The following ZNF236 variants were observed in gnomAD, a reference collection of about 807,000 sequenced individuals.
ZNF236 encodes the protein zinc finger protein 236, also known as regulated by glucose.
ZNF236 carries 50 observed loss-of-function variants against 191.2 expected under a neutral mutation model. The observed-to-expected ratio is 0.26, with a 90% confidence interval of 0.21 to 0.33. The LOEUF is 0.33. ZNF236 is among the 10% of genes least tolerant of loss of function. The pLI is 1.00. For missense variants in ZNF236, 1,754 were observed against 2,374.5 expected, an observed-to-expected ratio of 0.74 and a Z score of 5.43; for synonymous variants, 907 against 928.8, an observed-to-expected ratio of 0.98 and a Z score of 0.43.
intron 19 of ZNF236, among the ~76,000 whole-genome samples, chr18:76,918,616 CG>C (rs1384099919): frequency 6.6e-6 from 1 of 152,124 alleles, no homozygotes; most frequent in Non-Finnish European, 1.5e-5. Flanking sequence ...TTTGTAGAGA[CG>C]GGGTCTTGCT....
intron 3 of ZNF236, among the ~76,000 whole-genome samples, chr18:76,857,164 C>G (rs1976064395): frequency 6.6e-6 from 1 of 152,052 alleles, no homozygotes; most frequent in Admixed American, 6.6e-5. Flanking sequence ...ATGTGGGGTC[C>G]TTCTCTCGCA....
intron 28 of ZNF236, among the ~76,000 whole-genome samples, chr18:76,957,206 G>A (rs1968545401): frequency 6.6e-6 from 1 of 152,134 alleles, no homozygotes; most frequent in Non-Finnish European, 1.5e-5. Flanking sequence ...ATGAGTGTAG[G>A]ACTAGAAGAA....
At chr18:76,890,996 C>T (rs1196932169) in intron 9 of ZNF236, among the ~76,000 whole-genome samples, 1 of 152,124 alleles carries the variant, frequency 6.6e-6, no homozygotes, top group Non-Finnish European at 1.5e-5. Context: ...TTCTTAATAA[C>T]ATTTTTTCTC....
In ZNF236 at chr18:76,890,915, A is replaced by G. The variant is rs1003127391; in HGVS notation, c.1418-4098A>G. 2.6e-5 allele frequency among the ~76,000 whole-genome samples: 4 copies of G among 152,168 alleles called. No homozygotes were observed. The East Asian group carries it at 7.7e-4, about 29-fold the overall frequency. ...ACCCCCGACTTCCTCAGCCTACTCA[A>G]CATGTAGACAAAGAGAGGAAAACCA... On this transcript the variant is annotated intron_variant, in intron 9 of 30. Coordinates refer to ENST00000320610, the MANE Select transcript of ZNF236 (RefSeq NM_001306089.2).
Position 76,925,359 on chromosome 18 carries a change from C to G in ZNF236, c.3832C>G (p.Pro1278Ala). The change falls in exon 22 of 31, where the codon CCA (proline) becomes GCA (alanine). Residue 1278 changes from proline (P) to alanine (A), a missense_variant. Around this residue, in one of 5 missense-constraint regions of ZNF236, gnomAD observed 606 missense variants for 761.5 expected, o/e 0.80. Coordinates refer to ENST00000320610, the MANE Select transcript of ZNF236 (RefSeq NM_001306089.2). The surrounding 1 kb of genome is among the most constrained non-coding windows in gnomAD (Gnocchi z 5.7). ...RKTHMQFHYK[P>A]DPKKARKPMT... Reference sequence around the variant, plus strand: ...GACACACATGCAGTTTCATTATAAACCAGACCCAAAGAAGGCCAGAAAGCC... The same window carrying G: ...GACACACATGCAGTTTCATTATAAAGCAGACCCAAAGAAGGCCAGAAAGCC... 6.2e-7 allele frequency: 1 copy of G among 1,614,170 alleles called. No individual in the cohort carries two copies.
At chr18:76,928,898 A>G (rs552780771) in intron 25 of ZNF236, among the ~76,000 whole-genome samples, 2 of 151,882 alleles carry the variant, frequency 1.3e-5, no homozygotes, top group East Asian at 1.9e-4. Flanking sequence ...TAACTTCCAC[A>G]GATATTAACT....
Position 76,878,170 on chromosome 18 carries a change from G to C in ZNF236, c.984+18G>C. The stretch of plus-strand genomic sequence containing the variant: ...TTTTAACGGTAAGTTTAGTAATTTG[G>C]AAGAACTTCTTTTTAAACTAAAATC... On this transcript the variant is annotated intron_variant, in intron 7 of 30. Coordinates refer to ENST00000320610, the MANE Select transcript of ZNF236 (RefSeq NM_001306089.2). 4 of 1,578,980 alleles carry C rather than the reference G, an allele frequency of 2.5e-6. No individual in the cohort carries two copies. Among genetic ancestry groups the C allele is most frequent in the South Asian group, 2.4e-5 (2 of 84,766 alleles).
chr18:76,910,615 A>G (rs1044878421), intron 15 of ZNF236, 45 bp from the exon 16 acceptor site: 11 of 1,566,500 alleles, frequency 7.0e-6, no homozygotes, highest in Non-Finnish European at 8.7e-6. Context: ...ATTTTAATGT[A>G]ACTTTAATAT....
At chr18:76,834,878 T>C (rs1001451241) in intron 1 of ZNF236, 39 of 357,168 alleles carry the variant, frequency 1.1e-4, no homozygotes, top group Admixed American at 1.0e-3. Context: ...CACAAAGGGA[T>C]TGAACTTCAT....
Position 76,940,709 on chromosome 18 carries a change from TCTC to T in ZNF236, c.4782+3367_4782+3369del, listed in dbSNP as rs1968116110. ...TTAAAGTGAAAGTTCAGTAAGTAGT[TCTC>T]AGTATTGTCTAGGTTGTATTTTTAA... On this transcript the variant is annotated intron_variant, in intron 26 of 30. Coordinates refer to ENST00000320610, the MANE Select transcript of ZNF236 (RefSeq NM_001306089.2). Among the ~76,000 whole-genome samples the T allele has an allele frequency of 2.6e-5, 4 of 152,320 alleles. No individual in the cohort carries two copies. The South Asian group carries it at 8.3e-4, about 32-fold the overall frequency.
intron 3 of ZNF236, among the ~76,000 whole-genome samples, chr18:76,862,642 T>G (rs904351986): frequency 6.6e-6 from 1 of 151,946 alleles, no homozygotes; most frequent in Non-Finnish European, 1.5e-5. Context: ...CACTAGGGAG[T>G]TGGGCCTCCC....
intron 3 of ZNF236, among the ~76,000 whole-genome samples, chr18:76,858,588 A>G (rs1413342099): frequency 6.6e-6 from 1 of 152,194 alleles, no homozygotes; most frequent in Non-Finnish European, 1.5e-5. Context: ...AACAGATGAG[A>G]TACTTCTCTT....
chr18:76,873,624 G>C lies in ZNF236; in HGVS notation c.667+1799G>C, dbSNP rs542457328. Among the ~76,000 whole-genome samples, 6 of 152,260 alleles carry C rather than the reference G, an allele frequency of 3.9e-5. No individual in the cohort carries two copies. In the East Asian group the frequency reaches 9.7e-4, roughly 24 times the overall value. On this transcript the variant is annotated intron_variant, in intron 5 of 30. Transcript: ENST00000320610. Reference sequence around the variant, plus strand: ...CCTCACAGTGTGTGTGATGATGTGAGGGGGGTGACCAGAATCCTGCTGGAC... The same window carrying C: ...CCTCACAGTGTGTGTGATGATGTGACGGGGGTGACCAGAATCCTGCTGGAC...
At chr18:76,918,579 C>T (rs551161626) in intron 19 of ZNF236, among the ~76,000 whole-genome samples, 9 of 152,302 alleles carry the variant, frequency 5.9e-5, no homozygotes, top group Admixed American at 1.3e-4. Flanking sequence ...CTCACCACCA[C>T]GCCTGGCTGA....
In ZNF236 at chr18:76,908,413, A is replaced by C. The variant is rs377422426; in HGVS notation, c.2391A>C (p.Gln797His). 1.9e-6 allele frequency: 3 copies of C among 1,614,194 alleles called. No homozygotes were observed. Among genetic ancestry groups the C allele is most frequent in the Non-Finnish European group, 2.5e-6 (3 of 1,180,034 alleles). ...VDQQSMQAST[Q>H]MQVEIESDEL... Reference sequence around the variant, plus strand: ...AGCAGAGCATGCAGGCCTCCACTCAAATGCAGGTGGAGATCGAGAGCGACG... The same window carrying C: ...AGCAGAGCATGCAGGCCTCCACTCACATGCAGGTGGAGATCGAGAGCGACG... Residue 797 changes from glutamine to histidine, a missense_variant, in exon 14 of 31, where the codon CAA becomes CAC. Physicochemically the swap from Gln to His is conservative, Grantham distance 24. This residue lies in a region of ZNF236 where 641 missense variants were observed against 869.6 expected (regional missense o/e 0.74). Coordinates refer to ENST00000320610, the MANE Select transcript of ZNF236 (RefSeq NM_001306089.2).
intron 1 of ZNF236, chr18:76,840,778 T>TGTGTGTGTGTGTGTGTGTGCGC (rs1308175229): frequency 6.4e-4 from 24 of 37,562 alleles, no homozygotes; most frequent in African/African-American, 1.6e-3. Context: ...TTATAACCTG[T>TGTGTGTGTGTGTGTGTGTGCGC]GTGTGTGTGT....
chr18:76,948,881 T>C (rs1484424561), intron 27 of ZNF236, among the ~76,000 whole-genome samples: 1 of 152,192 alleles, frequency 6.6e-6, no homozygotes, highest in African/African-American at 2.4e-5. Context: ...GCCTTCACCA[T>C]AAGTCACATC....
rs1967644952 is a variant in ZNF236 at position 76,925,361 on chromosome 18, A to G, written c.3834A>G (p.Pro1278=). The change falls in exon 22 of 31, where the codon CCA becomes CCG. Residue 1278 remains proline, a synonymous_variant. Transcript: ENST00000320610. This position sits in a 1 kb window ranked among gnomAD's most constrained non-coding sequence, Gnocchi z 5.7. ...RKTHMQFHYK[P]DPKKARKPMT... ...CACACATGCAGTTTCATTATAAACCAGACCCAAAGAAGGCCAGAAAGCCTA... is the reference window on the plus strand; with the variant it reads ...CACACATGCAGTTTCATTATAAACCGGACCCAAAGAAGGCCAGAAAGCCTA... 6.2e-7 allele frequency: 1 copy of G among 1,614,210 alleles called. No homozygotes were observed. Among genetic ancestry groups the G allele is most frequent in the Non-Finnish European group, 8.5e-7 (1 of 1,180,042 alleles).
At chr18:76,953,598 C>T (rs1477128219) in intron 27 of ZNF236, among the ~76,000 whole-genome samples, 1 of 152,176 alleles carries the variant, frequency 6.6e-6, no homozygotes, top group Non-Finnish European at 1.5e-5. Context: ...AGAAGAATAT[C>T]GTTCTGAGCA....
Sources: allele counts gnomAD v4.1 joint callset (sites outside exome capture counted in the v4.1 genomes callset), GRCh38; gene constraint gnomAD v4.1.1; regional missense constraint gnomAD v4.1.1; non-coding constraint Gnocchi (gnomAD v3.1); transcripts MANE v1.5; gene names NCBI Gene and HGNC (gene_info 2026-07-23, HGNC 2026-07-21).